ZNF222: variants seen among roughly 807,000 people sequenced by gnomAD.
ZNF222 encodes the protein zinc finger protein 222.
ZNF222 carries 8 observed loss-of-function variants against 11.6 expected under a neutral mutation model. The ratio of observed to expected loss-of-function variants is 0.69; its 90% CI spans 0.41 to 1.25. The LOEUF is 1.25. Among genes scored for constraint, ZNF222 ranks in the 50% most tolerant of loss-of-function variants. The pLI, the probability that ZNF222 is intolerant of heterozygous loss-of-function variation, is 0.01. For synonymous variants in ZNF222, 171 were observed against 195.6 expected (o/e 0.87, Z 1.05); for missense variants, 483 against 576.1 (o/e 0.84, Z 1.65).
At chr19:44,031,028 C>A (rs971907743) in intron 3 of ZNF222, 7 of 152,232 alleles carry the variant, frequency 4.6e-5, no homozygotes, top group Non-Finnish European at 8.8e-5. Context: ...ATGCTGACGA[C>A]AACGTCCTGA....
chr19:44,029,970 T>G (rs994342039), intron 3 of ZNF222, among the ~76,000 whole-genome samples: 1 of 152,252 alleles, frequency 6.6e-6, no homozygotes, highest in African/African-American at 2.4e-5. Context: ...TTCCTGCTTG[T>G]CATAATGCTG....
chr19:44,027,037 C>CAAGGATGTGGCTGTGATCTTCACTG lies in ZNF222; in HGVS notation c.59_83dup (p.Glu29GlyfsTer8), dbSNP rs1976389720. ...TGATGTTGTAGGAGGCAGTGACCTT[C>CAAGGATGTGGCTGTGATCTTCACTG]AAGGATGTGGCTGTGATCTTCACTG... On this transcript the variant is annotated frameshift_variant, in exon 2 of 4. Coordinates refer to ENST00000391960, the MANE Select transcript of ZNF222 (RefSeq NM_001129996.2). LOFTEE classifies it high-confidence loss of function. The CAAGGATGTGGCTGTGATCTTCACTG allele has an allele frequency of 6.2e-7, 1 of 1,613,964 alleles. No individual in the cohort carries two copies. Among genetic ancestry groups the CAAGGATGTGGCTGTGATCTTCACTG allele is most frequent in the Non-Finnish European group, 8.5e-7 (1 of 1,179,998 alleles).
intron 3 of ZNF222, 141 bp from the exon 4 acceptor site, chr19:44,031,676 C>A: frequency 1.2e-6 from 1 of 849,722 alleles, no homozygotes; most frequent in Non-Finnish European, 1.8e-6. Flanking sequence ...AGAGACAGGG[C>A]ATCACCATGT....
intron 3 of ZNF222, chr19:44,030,949 G>A (rs1568504254): frequency 6.6e-6 from 1 of 152,156 alleles, no homozygotes; most frequent in South Asian, 2.1e-4. Context: ...GAGTTACCCA[G>A]GTTTTACCCT....
rs773301920 is a variant in ZNF222, at chr19:44,032,192, A to G, written c.638A>G (p.Tyr213Cys). 45 of 1,614,118 alleles carry G rather than the reference A, an allele frequency of 2.8e-5. No individual in the cohort carries two copies. In the Admixed American group the frequency reaches 4.8e-4, roughly 17 times the overall value. Reference protein sequence around the residue: ...HQRVHMGVKCYKCDVCGKEFS... With the variant: ...HQRVHMGVKCCKCDVCGKEFS... Reference sequence around the variant, plus strand: ...AGGGTCCACATGGGAGTGAAATGCTATAAGTGTGATGTGTGTGGTAAGGAA... The same window carrying G: ...AGGGTCCACATGGGAGTGAAATGCTGTAAGTGTGATGTGTGTGGTAAGGAA... Residue 213 changes from tyrosine (Y) to cysteine (C), a missense_variant, in exon 4 of 4, where the codon TAT becomes TGT. Tyr to Cys is a radical substitution (Grantham distance 194). Coordinates refer to ENST00000391960, the MANE Select transcript of ZNF222 (RefSeq NM_001129996.2).
intron 3 of ZNF222, among the ~76,000 whole-genome samples, chr19:44,029,181 GTTTTGTTTTGTT>G (rs750261209): frequency 1.8e-5 from 2 of 113,712 alleles, no homozygotes; most frequent in Admixed American, 8.7e-5. Flanking sequence ...TTGTTGGTTT[GTTTTGTTTTGTT>G]TTTTTTTTTT....
Position 44,025,590 on chromosome 19 carries a change from CT to C in ZNF222, c.42+115del. ...GATTGGCGCGGCCCGGTGTGCCCTACTTTGACCTCGCTTAGTCCGCCTCCCT... is the reference window on the plus strand; with the variant it reads ...GATTGGCGCGGCCCGGTGTGCCCTACTTGACCTCGCTTAGTCCGCCTCCCT... On this transcript the variant is annotated intron_variant, in intron 1 of 3. Coordinates refer to ENST00000391960, the MANE Select transcript of ZNF222 (RefSeq NM_001129996.2). This position sits in a 1 kb window ranked among gnomAD's most constrained non-coding sequence, Gnocchi z 4.6. 8.4e-7 allele frequency: 1 copy of C among 1,183,586 alleles called. No homozygotes were observed. The highest frequency in any genetic ancestry group is 1.2e-6 in the Non-Finnish European group (1 of 861,618). 73.3% of individuals were successfully genotyped at this position (1,183,586 alleles called of 1,614,324 possible).
chr19:44,026,053 A>G (rs760099180), intron 1 of ZNF222: 8 of 1,613,496 alleles, frequency 5.0e-6, no homozygotes, highest in Admixed American at 1.7e-5. Context: ...AGCTGCAGGA[A>G]GGGACTTCTT....
Position 44,025,737 on chromosome 19 carries a change from T to C in ZNF222, c.42+259T>C, listed in dbSNP as rs16978634. Reference sequence around the variant, plus strand: ...AACGGGACTTTTCGGACCATCCTAATGGATTCATTTTGGGACCTGAAAGAG... The same window carrying C: ...AACGGGACTTTTCGGACCATCCTAACGGATTCATTTTGGGACCTGAAAGAG... On this transcript the variant is annotated intron_variant, in intron 1 of 3. Coordinates refer to ENST00000391960, the MANE Select transcript of ZNF222 (RefSeq NM_001129996.2). This position sits in a 1 kb window ranked among gnomAD's most constrained non-coding sequence, Gnocchi z 4.6. Among the ~76,000 whole-genome samples, 4,024 of 152,290 alleles carry C rather than the reference T, an allele frequency of 0.026. 151 individuals are homozygous for C. Among genetic ancestry groups the C allele is most frequent in the African/African-American group, 0.086 (3,590 of 41,536 alleles).
In ZNF222 at chr19:44,032,725, A is replaced by G. The variant is rs747649502; in HGVS notation, c.1171A>G (p.Ile391Val). ...ATGTGAGGAGTGTGGGAAGGGCTACATTAGTAAGTCAGGTCTTGACTTCCA... is the reference window on the plus strand; with the variant it reads ...ATGTGAGGAGTGTGGGAAGGGCTACGTTAGTAAGTCAGGTCTTGACTTCCA... ...YKCEECGKGY[I>V]SKSGLDFHHR... The change falls in exon 4 of 4, where the codon ATT (isoleucine) becomes GTT (valine). Residue 391 changes from isoleucine to valine, a missense_variant. Ile to Val is a conservative substitution (Grantham distance 29, BLOSUM62 3). Coordinates refer to ENST00000391960, the MANE Select transcript of ZNF222 (RefSeq NM_001129996.2). 8 of 1,614,150 alleles carry G rather than the reference A, an allele frequency of 5.0e-6. No homozygotes were observed. The East Asian group carries it at 1.3e-4, about 27-fold the overall frequency.
Position 44,028,769 on chromosome 19 carries a change from G to A in ZNF222, c.262+1279G>A, listed in dbSNP as rs75510516. ...AATGGATGAGAGGACTTGACTGTCT[G>A]TAAGAATCATGGAGATAGCTAATAA... On this transcript the variant is annotated intron_variant, in intron 3 of 3. Transcript: ENST00000391960. Among the ~76,000 whole-genome samples, 750 of 152,314 alleles carry A rather than the reference G, an allele frequency of 4.9e-3. 10 individuals are homozygous for A. The highest frequency in any genetic ancestry group is 0.017 in the African/African-American group (702 of 41,564).
Position 44,032,083 on chromosome 19 carries a change from C to T in ZNF222, c.529C>T (p.Gln177Ter). The change falls in exon 4 of 4, where the codon CAG becomes TAG. Residue 177 changes from glutamine to a stop codon, truncating the protein, a stop_gained. Transcript: ENST00000391960. LOFTEE classifies it low-confidence loss of function (END_TRUNC). ...TGTTTCCTTCTTTGATCTTCCTCAG[C>T]AGTTATATTCAGGAGAGAAGTCTCA... is the stretch of plus-strand genomic sequence containing the variant. ...SDVSFFDLPQQLYSGEKSHTC... is the reference protein window; with the variant it reads ...SDVSFFDLPQ 1 of 1,614,182 alleles carries T rather than the reference C, an allele frequency of 6.2e-7. No homozygotes were observed. The highest frequency in any genetic ancestry group is 8.5e-7 in the Non-Finnish European group (1 of 1,180,046).
At chr19:44,030,438 G>C (rs915404432) in intron 3 of ZNF222, among the ~76,000 whole-genome samples, 3 of 152,228 alleles carry the variant, frequency 2.0e-5, no homozygotes, top group African/African-American at 7.2e-5. Flanking sequence ...TTCACATCAA[G>C]TGAAAATTCG....
intron 3 of ZNF222, 98 bp from the exon 4 acceptor site, chr19:44,031,719 A>T (rs1976503180): frequency 7.4e-7 from 1 of 1,349,346 alleles, no homozygotes; most frequent in Non-Finnish European, 1.0e-6. Flanking sequence ...CTGACCTCAC[A>T]GTCCACCCGC....
In ZNF222 at chr19:44,033,102, C is replaced by T; in HGVS notation, c.*72C>T. ...TGTGCTGATTAAATCAGTTTAATTT[C>T]ACCTGAAACATTATTTGTGTTGGAA... On this transcript the variant is annotated 3_prime_UTR_variant, in exon 4 of 4. Coordinates refer to ENST00000391960, the MANE Select transcript of ZNF222 (RefSeq NM_001129996.2). 1 of 1,319,844 alleles carries T rather than the reference C, an allele frequency of 7.6e-7. No individual in the cohort carries two copies. The highest frequency in any genetic ancestry group is 9.9e-7 in the Non-Finnish European group (1 of 1,010,444). 81.8% of individuals were successfully genotyped at this position (1,319,844 alleles called of 1,614,324 possible).
Position 44,027,043 on chromosome 19 carries a change from T to A in ZNF222, c.63T>A (p.Asp21Glu). Residue 21 changes from aspartate (D) to glutamate (E), a missense_variant, in exon 2 of 4, where the codon GAT (aspartate) becomes GAA (glutamate). Transcript: ENST00000391960. ...TGTAGGAGGCAGTGACCTTCAAGGA[T>A]GTGGCTGTGATCTTCACTGAGGAGG... ...RRAEEAVTFK[D>E]VAVIFTEEEL... 1.2e-6 allele frequency: 2 copies of A among 1,614,102 alleles called. No individual in the cohort carries two copies. Among genetic ancestry groups the A allele is most frequent in the Non-Finnish European group, 1.7e-6 (2 of 1,180,002 alleles).
Position 44,032,390 on chromosome 19 carries a change from T to A in ZNF222, c.836T>A (p.Met279Lys). ...YNCEKCGKAF[M>K]HNFQLQKHHR... ...TGTGAGAAATGTGGGAAGGCTTTCA[T>A]GCACAATTTCCAGCTTCAGAAACAT... Residue 279 changes from methionine (M) to lysine (K), a missense_variant, in exon 4 of 4, where the codon ATG (methionine) becomes AAG (lysine). Transcript: ENST00000391960. 6.2e-7 allele frequency: 1 copy of A among 1,614,192 alleles called. No individual in the cohort carries two copies. Among genetic ancestry groups the A allele is most frequent in the Non-Finnish European group, 8.5e-7 (1 of 1,180,044 alleles).
At chr19:44,027,170 T>TATTAC in intron 2 of ZNF222, 21 bp downstream of exon 2, 1 of 1,613,370 alleles carries the variant, frequency 6.2e-7, no homozygotes, top group Non-Finnish European at 8.5e-7. Context: ...GCACCCCCTG[T>TATTAC]AATGGAATGT....
At chr19:44,026,208 A>C in intron 1 of ZNF222, 1 of 999,380 alleles carries the variant, frequency 1.0e-6, no homozygotes, top group Non-Finnish European at 1.5e-6. Flanking sequence ...ACTTTATTCC[A>C]AGTACTTTAT....
Sources: allele counts gnomAD v4.1 joint callset (sites outside exome capture counted in the v4.1 genomes callset), GRCh38; gene constraint gnomAD v4.1.1; non-coding constraint Gnocchi (gnomAD v3.1); transcripts MANE v1.5; gene names NCBI Gene and HGNC (gene_info 2026-07-23, HGNC 2026-07-21).